Variants in NDUFS4 observed in about 807,000 individuals in gnomAD.
The protein encoded by NDUFS4 is NADH:ubiquinone oxidoreductase subunit S4.
Under a neutral mutation model 24.3 loss-of-function variants are expected in NDUFS4, and 28 were observed. That is an observed-to-expected ratio of 1.15 (90% CI 0.85 to 1.58). The LOEUF (loss-of-function observed/expected upper bound fraction) is 1.58, where lower values mean the gene tolerates loss of function less well. NDUFS4 is among the 40% of genes most tolerant of loss of function. NDUFS4 has a pLI of 0.00. For missense variants in NDUFS4, 223 were observed against 207.9 expected (o/e 1.07, Z -0.45); for synonymous variants, 93 against 69.7 (o/e 1.34, Z -1.67).
chr5:53,578,118 T>A (rs1749444360), intron 1 of NDUFS4, among the ~76,000 whole-genome samples: 2 of 152,218 alleles, frequency 1.3e-5, no homozygotes, highest in South Asian at 4.1e-4. Flanking sequence ...TAGTTCATAG[T>A]TCGTACTAGA....
chr5:53,677,106 A>G (rs1740500151), intron 4 of NDUFS4, among the ~76,000 whole-genome samples: 1 of 152,260 alleles, frequency 6.6e-6, no homozygotes, highest in East Asian at 1.9e-4. Context: ...TGATTTTCAG[A>G]TATACTTTTG....
In NDUFS4 at chr5:53,683,242, T is replaced by G. The variant is rs769636414; in HGVS notation, c.*21T>G. On this transcript the variant is annotated 3_prime_UTR_variant, in exon 5 of 5. Coordinates refer to ENST00000296684, the MANE Select transcript of NDUFS4 (RefSeq NM_002495.4). ...AATAGGTTGGCACTGACTATATCTC[T>G]GCTTGACTGTGAATAAAGTCAGCTG... 26 of 1,481,002 alleles carry G rather than the reference T, an allele frequency of 1.8e-5. No homozygotes were observed. Among genetic ancestry groups the G allele is most frequent in the Non-Finnish European group, 2.3e-5 (24 of 1,059,368 alleles). The allele number at this position is 1,481,002 out of a possible 1,614,324, so 91.7% of individuals were successfully genotyped here. A position where few individuals can be genotyped will look rare whatever the true frequency, so the allele number is the denominator to read the frequency against.
intron 1 of NDUFS4, among the ~76,000 whole-genome samples, chr5:53,577,258 C>G (rs762175488): frequency 2.0e-5 from 3 of 152,140 alleles, no homozygotes; most frequent in Non-Finnish European, 2.9e-5. Context: ...AGTTCTCATT[C>G]CCTTTTGATT....
intron 2 of NDUFS4, among the ~76,000 whole-genome samples, chr5:53,629,211 A>C (rs1030264785): frequency 5.3e-5 from 8 of 152,134 alleles, no homozygotes; most frequent in Non-Finnish European, 1.0e-4. Context: ...CTTAATCCTG[A>C]GTTCTAATTT....
At chr5:53,584,574 A>G (rs1240190660) in intron 1 of NDUFS4, among the ~76,000 whole-genome samples, 1 of 151,976 alleles carries the variant, frequency 6.6e-6, no homozygotes, top group African/African-American at 2.4e-5. Context: ...TCCCGACCTC[A>G]GGTGATCCAC....
chr5:53,591,914 T>A (rs1307431940), intron 1 of NDUFS4, among the ~76,000 whole-genome samples: 1 of 152,054 alleles, frequency 6.6e-6, no homozygotes, highest in African/African-American at 2.4e-5. Flanking sequence ...AGTTGGGTTG[T>A]TTGTTTTCTT....
intron 1 of NDUFS4, among the ~76,000 whole-genome samples, chr5:53,599,254 G>A (rs1310789462): frequency 6.6e-6 from 1 of 152,018 alleles, no homozygotes; most frequent in African/African-American, 2.4e-5. Context: ...ATTTATTTGA[G>A]TCTTCACTTT....
intron 4 of NDUFS4, among the ~76,000 whole-genome samples, chr5:53,661,411 G>T (rs907312678): frequency 2.0e-5 from 3 of 152,158 alleles, no homozygotes; most frequent in African/African-American, 7.2e-5. Flanking sequence ...TAGCCTTGTA[G>T]TATAGTTTGA....
In NDUFS4 at chr5:53,560,690, C is replaced by T. The variant is rs752987035; in HGVS notation, c.28C>T (p.Leu10=). The T allele has an allele frequency of 1.2e-5, 19 of 1,614,148 alleles. No homozygotes were observed. The highest frequency in any genetic ancestry group is 1.5e-5 in the Non-Finnish European group (18 of 1,180,060). ...GGCGGCGGTGTCAATGTCAGTGGTA[C>T]TGAGGCAGACGTTGTGGCGGAGAAG... is the stretch of plus-strand genomic sequence containing the variant. The part of the protein sequence containing the change: MAAVSMSVV[L]RQTLWRRRAV... Residue 10 remains leucine, a synonymous_variant, in exon 1 of 5, where the codon CTG becomes TTG. Coordinates refer to ENST00000296684, the MANE Select transcript of NDUFS4 (RefSeq NM_002495.4).
chr5:53,638,586 ATAAC>A (rs1426986653), intron 2 of NDUFS4, among the ~76,000 whole-genome samples: 1 of 152,068 alleles, frequency 6.6e-6, no homozygotes, highest in Non-Finnish European at 1.5e-5. Flanking sequence ...TTAGAAAAAA[ATAAC>A]TATCAGGTAC....
At chr5:53,608,559 G>A (rs967868994) in intron 2 of NDUFS4, among the ~76,000 whole-genome samples, 2 of 152,136 alleles carry the variant, frequency 1.3e-5, no homozygotes, top group South Asian at 2.1e-4. Context: ...TTTCAGCAAC[G>A]TTCACAGTCT....
intron 4 of NDUFS4, among the ~76,000 whole-genome samples, chr5:53,669,597 G>A (rs1752609549): frequency 6.6e-6 from 1 of 151,868 alleles, no homozygotes; most frequent in African/African-American, 2.4e-5. Context: ...TTATAGTATG[G>A]TTTTCTCTTT....
chr5:53,646,979 G>A (rs1260360436), intron 3 of NDUFS4, among the ~76,000 whole-genome samples: 1 of 151,802 alleles, frequency 6.6e-6, no homozygotes, highest in East Asian at 1.9e-4. Flanking sequence ...CAGATAAGGG[G>A]GAATACTGTT....
intron 1 of NDUFS4, among the ~76,000 whole-genome samples, chr5:53,593,893 T>C (rs374070079): frequency 5.3e-5 from 8 of 152,168 alleles, no homozygotes; most frequent in African/African-American, 1.7e-4. Flanking sequence ...ATTCCATTGC[T>C]GACTGAGAGC....
Position 53,646,437 on chromosome 5 carries a change from A to G in NDUFS4, c.350+32A>G, listed in dbSNP as rs751616558. On this transcript the variant is annotated intron_variant, in intron 3 of 4. Transcript: ENST00000296684. Reference sequence around the variant, plus strand: ...ACTTTATTTTAATGTGAATATTGTCAGCTATCTTTTTCTATGTAGATCTTT... The same window carrying G: ...ACTTTATTTTAATGTGAATATTGTCGGCTATCTTTTTCTATGTAGATCTTT... 13 of 1,604,862 alleles carry G rather than the reference A, an allele frequency of 8.1e-6. No homozygotes were observed. In the East Asian group the frequency reaches 2.0e-4, roughly 25 times the overall value.
In NDUFS4 at chr5:53,683,256, T is replaced by TAA. The variant is rs1382012176; in HGVS notation, c.*37_*38dup. 8 of 1,401,130 alleles carry TAA rather than the reference T, an allele frequency of 5.7e-6. No individual in the cohort carries two copies. The highest frequency in any genetic ancestry group is 6.1e-6 in the Non-Finnish European group (6 of 986,388). The allele number at this position is 1,401,130 out of a possible 1,614,324, so 86.8% of individuals were successfully genotyped here. The stretch of plus-strand genomic sequence containing the variant: ...GACTATATCTCTGCTTGACTGTGAA[T>TAA]AAAGTCAGCTGTGCAGTATTTATAG... On this transcript the variant is annotated 3_prime_UTR_variant, in exon 5 of 5. Coordinates refer to ENST00000296684, the MANE Select transcript of NDUFS4 (RefSeq NM_002495.4).
chr5:53,652,974 G>A (rs986062142), intron 3 of NDUFS4, among the ~76,000 whole-genome samples: 1 of 150,818 alleles, frequency 6.6e-6, no homozygotes, highest in African/African-American at 2.4e-5. Context: ...TTTTAGGTTA[G>A]TAAATGCTTA....
At chr5:53,593,888 A>G (rs889655569) in intron 1 of NDUFS4, among the ~76,000 whole-genome samples, 3 of 152,096 alleles carry the variant, frequency 2.0e-5, no homozygotes, top group African/African-American at 7.2e-5. Flanking sequence ...GTTTAATTCC[A>G]TTGCTGACTG....
At chr5:53,563,399 GTTAC>G (rs763661897) in intron 1 of NDUFS4, among the ~76,000 whole-genome samples, 18 of 151,976 alleles carry the variant, frequency 1.2e-4, no homozygotes, top group East Asian at 9.6e-4. Flanking sequence ...AGCTGATCTA[GTTAC>G]TTACTGAGCT....
Sources: gnomAD v4.1 joint callset for allele counts (sites outside exome capture counted in the v4.1 genomes callset) on GRCh38, gnomAD v4.1.1 for gene constraint, MANE v1.5 for transcripts, NCBI Gene and HGNC (gene_info 2026-07-23, HGNC 2026-07-21) for gene names.